The following CST3 variants were observed in gnomAD, a reference collection of about 807,000 sequenced individuals.
CST3 encodes cystatin C, also known as cystatin-C.
In CST3, 14 loss-of-function variants were observed where a neutral mutation model predicts 9.0. That is an observed-to-expected ratio of 1.56 (90% CI 1.03 to 2.44). The LOEUF is 2.44. CST3 is among the 30% of genes most tolerant of loss of function. The pLI is 0.00. For synonymous variants in CST3, 96 were observed against 90.2 expected (o/e 1.06, Z -0.37); for missense variants, 237 against 204.3 (o/e 1.16, Z -0.98).
intron 1 of CST3, among the ~76,000 whole-genome samples, chr20:23,635,946 C>A (rs558817178): frequency 6.6e-6 from 1 of 152,262 alleles, no homozygotes; most frequent in South Asian, 2.1e-4. Flanking sequence ...CAGTGCCGCC[C>A]CAAAACATGA....
At chr20:23,635,499 T>G in intron 1 of CST3, 132 bp from the exon 2 acceptor site, 1 of 783,838 alleles carries the variant, frequency 1.3e-6, no homozygotes, top group Non-Finnish European at 2.2e-6. Flanking sequence ...CTGCCCACAT[T>G]GTCACCTGCA....
chr20:23,635,076 C>T (rs1179362284), intron 2 of CST3, among the ~76,000 whole-genome samples, 178 bp downstream of exon 2: 9 of 152,018 alleles, frequency 5.9e-5, no homozygotes. Context: ...CACTTGCACA[C>T]ACTCACGTGC....
intron 1 of CST3, 141 bp from the exon 2 acceptor site, chr20:23,635,508 C>T: frequency 1.4e-6 from 1 of 731,414 alleles, no homozygotes; most frequent in Admixed American, 2.0e-5. Flanking sequence ...TTGTCACCTG[C>T]AAGGCACACA....
chr20:23,633,081 C>G (rs1007099747), downstream of CST3, among the ~76,000 whole-genome samples: 1 of 152,178 alleles, frequency 6.6e-6, no homozygotes, highest in Admixed American at 6.5e-5. Context: ...GCCACTTTCT[C>G]TGTGATCTTG....
At chr20:23,633,611 AC>A, downstream of CST3, 1 of 548,190 alleles carries the variant, frequency 1.8e-6, no homozygotes, top group Non-Finnish European at 3.3e-6. Flanking sequence ...AACTGCGGAA[AC>A]CCTGCCTGTG....
At chr20:23,633,161 C>T (rs138415381), downstream of CST3, among the ~76,000 whole-genome samples, 1,154 of 152,262 alleles carry the variant, frequency 7.6e-3, 17 homozygotes, top group African/African-American at 0.026. Flanking sequence ...TTTGTTTCCA[C>T]GTAGGGGCCT....
In CST3 at chr20:23,637,947, C is replaced by G. The variant is rs887014567; in HGVS notation, c.-85G>C. 8.1e-7 allele frequency: 1 copy of G among 1,239,118 alleles called. No homozygotes were observed. The highest frequency in any genetic ancestry group is 1.6e-5 in the African/African-American group (1 of 61,736). 76.8% of individuals were successfully genotyped at this position (1,239,118 alleles called of 1,614,324 possible). A position where few individuals can be genotyped will look rare whatever the true frequency, so the allele number is the denominator to read the frequency against. ...GAGAGGACCCGCTGCGATACCGAGG[C>G]GAGGCCGTGAGCCCCGCGAGGCCGG... On this transcript the variant is annotated 5_prime_UTR_variant, in exon 1 of 3. Coordinates refer to ENST00000376925, the MANE Select transcript of CST3 (RefSeq NM_000099.4).
chr20:23,630,646 G>C (rs956637799), downstream of CST3, among the ~76,000 whole-genome samples: 2 of 152,050 alleles, frequency 1.3e-5, no homozygotes, highest in Admixed American at 6.6e-5. Flanking sequence ...AGGGAGGCTT[G>C]TGGCCTAGTC....
At chr20:23,637,332 G>C (rs1341166628) in intron 1 of CST3, among the ~76,000 whole-genome samples, 1 of 152,232 alleles carries the variant, frequency 6.6e-6, no homozygotes, top group African/African-American at 2.4e-5. Context: ...TGTGTGGGAC[G>C]TCCTGTGCCT....
chr20:23,632,811 G>C (rs1979500035), downstream of CST3, among the ~76,000 whole-genome samples: 9 of 152,212 alleles, frequency 5.9e-5, no homozygotes, highest in Admixed American at 5.2e-4. Context: ...CTGTGTCTTA[G>C]GACTGTAGCC....
chr20:23,634,394 G>A (rs1166206039), intron 2 of CST3, among the ~76,000 whole-genome samples: 3 of 152,224 alleles, frequency 2.0e-5, no homozygotes, highest in Non-Finnish European at 4.4e-5. Flanking sequence ...GAAGAACCCA[G>A]GGAACTGGAA....
chr20:23,626,882 C>G (rs1030471394), exon 4 of CST3: 2 of 152,232 alleles, frequency 1.3e-5, no homozygotes, highest in East Asian at 3.9e-4. Context: ...TGGCTTGTAA[C>G]TGGAGTAAGT....
chr20:23,627,109 A>C (rs1979281888), exon 4 of CST3: 1 of 152,220 alleles, frequency 6.6e-6, no homozygotes, highest in Non-Finnish European at 1.5e-5. Context: ...AAATTGTGCA[A>C]ATGGACGTAT....
Position 23,637,636 on chromosome 20 carries a change from A to T in CST3, c.227T>A (p.Val76Glu). The T allele has an allele frequency of 6.6e-7, 1 of 1,523,138 alleles. No individual in the cohort carries two copies. The highest frequency in any genetic ancestry group is 8.8e-7 in the Non-Finnish European group (1 of 1,136,178). 94.4% of individuals were successfully genotyped at this position (1,523,138 alleles called of 1,614,324 possible). ...GGCACGCACCTGCTTGCGGGCGCGCACCACCTGCAGCGCGCGGCTGTGGTA... is the reference window on the plus strand; with the variant it reads ...GGCACGCACCTGCTTGCGGGCGCGCTCCACCTGCAGCGCGCGGCTGTGGTA... The part of the protein sequence containing the change: ...DMYHSRALQV[V>E]RARKQIVAGV... Residue 76 changes from valine to glutamate, a missense_variant, in exon 1 of 3, where the codon GTG becomes GAG. Coordinates refer to ENST00000376925, the MANE Select transcript of CST3 (RefSeq NM_000099.4).
At chr20:23,630,484 AGTGTT>A (rs1979411572), downstream of CST3, among the ~76,000 whole-genome samples, 1 of 152,230 alleles carries the variant, frequency 6.6e-6, no homozygotes, top group Non-Finnish European at 1.5e-5. Context: ...ATGGCTTCTC[AGTGTT>A]GTGTCTTTGA....
downstream of CST3, chr20:23,628,666 G>C (rs1459614920): frequency 6.6e-6 from 1 of 152,138 alleles, no homozygotes; most frequent in East Asian, 1.9e-4. Context: ...AGCAAGGGCG[G>C]GCATCAGGCT....
At chr20:23,631,420 C>T (rs1243808990), downstream of CST3, among the ~76,000 whole-genome samples, 1 of 152,228 alleles carries the variant, frequency 6.6e-6, no homozygotes, top group African/African-American at 2.4e-5. Context: ...AGCTCCTATA[C>T]CTTTTCCCCT....
exon 4 of CST3, chr20:23,628,626 G>C (rs1474765452): frequency 6.6e-6 from 1 of 152,244 alleles, no homozygotes; most frequent in Non-Finnish European, 1.5e-5. Flanking sequence ...AACTGGCCTG[G>C]TGGTTGGTTC....
At chr20:23,637,379 G>C (rs1979717588) in intron 1 of CST3, among the ~76,000 whole-genome samples, 1 of 152,226 alleles carries the variant, frequency 6.6e-6, no homozygotes, top group Non-Finnish European at 1.5e-5. Context: ...CTGGCTCCTG[G>C]AAGCTGATCT....
Sources: gnomAD v4.1 joint callset for allele counts (sites outside exome capture counted in the v4.1 genomes callset) on GRCh38, gnomAD v4.1.1 for gene constraint, MANE v1.5 for transcripts, NCBI Gene and HGNC (gene_info 2026-07-23, HGNC 2026-07-21) for gene names.